Variants in ADGRL3 observed in about 807,000 individuals in gnomAD.
ADGRL3 encodes adhesion G protein-coupled receptor L3.
A neutral mutation model predicts 153.5 loss-of-function variants in ADGRL3; 62 were observed. That is an observed-to-expected ratio of 0.40 (90% CI 0.33 to 0.50). The LOEUF is 0.50. ADGRL3 is among the 20% of genes least tolerant of loss of function. ADGRL3 has a pLI of 0.47. For synonymous variants in ADGRL3, 710 were observed against 672.5 expected, an observed-to-expected ratio of 1.06 and a Z score of -0.86; for missense variants, 1,641 against 1,859.4, an observed-to-expected ratio of 0.88 and a Z score of 2.16.
intron 5 of ADGRL3, among the ~76,000 whole-genome samples, chr4:61,645,043 CTTCT>C (rs1294061564): frequency 1.3e-5 from 2 of 152,008 alleles, no homozygotes; most frequent in Admixed American, 6.6e-5. Context: ...ATGTAATGGC[CTTCT>C]TTGTCTCTTT....
intron 5 of ADGRL3, among the ~76,000 whole-genome samples, chr4:61,653,453 AG>A (rs1246178112): frequency 1.3e-5 from 2 of 152,212 alleles, no homozygotes; most frequent in Non-Finnish European, 2.9e-5. Flanking sequence ...ACAACTATTC[AG>A]GACTCTCAGT....
chr4:61,615,642 C>T (rs781466495), intron 5 of ADGRL3, among the ~76,000 whole-genome samples: 6 of 151,140 alleles, frequency 4.0e-5, no homozygotes, highest in Non-Finnish European at 8.9e-5. Context: ...GCAGGAAACT[C>T]TGATGGAGAA....
intron 21 of ADGRL3, among the ~76,000 whole-genome samples, chr4:62,016,646 T>G (rs1226478218): frequency 6.6e-6 from 1 of 152,202 alleles, no homozygotes; most frequent in Non-Finnish European, 1.5e-5. Context: ...GATCATCTCT[T>G]GCAAAACTGT....
At chr4:61,370,933 A>T (rs1466194890) in intron 1 of ADGRL3, among the ~76,000 whole-genome samples, 5 of 150,116 alleles carry the variant, frequency 3.3e-5, no homozygotes, top group Non-Finnish European at 7.5e-5. Flanking sequence ...GTGCATATAT[A>T]TTTAGGATAG....
intron 2 of ADGRL3, chr4:61,427,648 T>A (rs1293713254): frequency 2.0e-5 from 3 of 152,740 alleles, no homozygotes; most frequent in African/African-American, 7.2e-5. Flanking sequence ...GACGGACCAC[T>A]GGGTGAGCCT....
intron 6 of ADGRL3, among the ~76,000 whole-genome samples, chr4:61,694,786 T>C (rs1293516606): frequency 6.6e-6 from 1 of 152,220 alleles, no homozygotes; most frequent in African/African-American, 2.4e-5. Context: ...ACTGTCAAAA[T>C]TGAAGTCAAT....
At chr4:61,891,278 AGT>A (rs1225069728) in intron 9 of ADGRL3, among the ~76,000 whole-genome samples, 1 of 152,176 alleles carries the variant, frequency 6.6e-6, no homozygotes, top group Non-Finnish European at 1.5e-5. Context: ...TGGGAGATAT[AGT>A]ATATGTGGAA....
At chr4:61,819,095 A>T (rs2148694160) in intron 9 of ADGRL3, among the ~76,000 whole-genome samples, 1 of 152,248 alleles carries the variant, frequency 6.6e-6, no homozygotes, top group African/African-American at 2.4e-5. Context: ...TTAAAAATAT[A>T]CTGTACACTA....
intron 2 of ADGRL3, among the ~76,000 whole-genome samples, chr4:61,495,451 AAAG>A (rs1240845144): frequency 6.6e-6 from 1 of 151,190 alleles, no homozygotes; most frequent in Non-Finnish European, 1.5e-5. Context: ...ATGAAAGAAA[AAAG>A]GAAGGAAGGG....
intron 25 of ADGRL3, among the ~76,000 whole-genome samples, chr4:62,052,528 A>G (rs1734786804): frequency 6.6e-6 from 1 of 151,526 alleles, no homozygotes; most frequent in Admixed American, 6.6e-5. Flanking sequence ...TTACTTTTAC[A>G]AAACTATTTT....
chr4:61,340,210 C>G (rs997662680), intron 1 of ADGRL3, among the ~76,000 whole-genome samples: 1 of 152,224 alleles, frequency 6.6e-6, no homozygotes, highest in East Asian at 1.9e-4. Context: ...TTGCTTTACC[C>G]GCATCTGACT....
chr4:61,916,564 G>C (rs2149907534), intron 13 of ADGRL3, among the ~76,000 whole-genome samples: 1 of 149,156 alleles, frequency 6.7e-6, no homozygotes, highest in East Asian at 1.9e-4. Context: ...AGATGAGATA[G>C]TGTACTGGCC....
intron 13 of ADGRL3, among the ~76,000 whole-genome samples, chr4:61,928,500 AT>A (rs2098803996): frequency 6.6e-6 from 1 of 152,114 alleles, no homozygotes; most frequent in African/African-American, 2.4e-5. Flanking sequence ...AAAAACTCTT[AT>A]GTTTTTCTTC....
intron 2 of ADGRL3, among the ~76,000 whole-genome samples, chr4:61,484,010 A>G (rs908820222): frequency 3.3e-5 from 5 of 151,944 alleles, no homozygotes; most frequent in African/African-American, 1.2e-4. Context: ...TTCTGCTCAT[A>G]TATTTAAAGA....
intron 21 of ADGRL3, among the ~76,000 whole-genome samples, chr4:62,009,789 G>T (rs564205580): frequency 1.3e-5 from 2 of 151,980 alleles, no homozygotes; most frequent in African/African-American, 4.8e-5. Flanking sequence ...CCTCAAGACC[G>T]CCCCCACTTT....
chr4:62,013,302 A>G (rs2099195278), intron 21 of ADGRL3, among the ~76,000 whole-genome samples: 1 of 152,076 alleles, frequency 6.6e-6, no homozygotes, highest in South Asian at 2.1e-4. Context: ...TGGGAGGCCG[A>G]GGAGGGCAGA....
intron 8 of ADGRL3, among the ~76,000 whole-genome samples, chr4:61,753,228 G>GA (rs113199384): frequency 0.079 from 7,846 of 99,664 alleles, 255 homozygotes; most frequent in Non-Finnish European, 0.1. Flanking sequence ...ACATTTCTGT[G>GA]AAAAAAAAAA....
intron 5 of ADGRL3, among the ~76,000 whole-genome samples, chr4:61,599,214 C>T (rs1299097984): frequency 6.6e-6 from 1 of 152,314 alleles, no homozygotes; most frequent in East Asian, 1.9e-4. Context: ...ACTGGGGAAA[C>T]CCAGCAAGGC....
At chr4:61,636,253 C>T (rs1011887039) in intron 5 of ADGRL3, among the ~76,000 whole-genome samples, 1 of 151,976 alleles carries the variant, frequency 6.6e-6, no homozygotes, top group Admixed American at 6.6e-5. Context: ...CACAAAAAAG[C>T]AGGAAAATAT....
Sources: allele counts gnomAD v4.1 joint callset (sites outside exome capture counted in the v4.1 genomes callset), GRCh38; gene constraint gnomAD v4.1.1; transcripts MANE v1.5; gene names NCBI Gene and HGNC (gene_info 2026-07-23, HGNC 2026-07-21).